The following MAPK10 variants were observed in gnomAD, a reference collection of about 807,000 sequenced individuals.
MAPK10 encodes the protein mitogen-activated protein kinase 10.
In MAPK10, 25 loss-of-function variants were observed where a neutral mutation model predicts 59.3. The observed-to-expected ratio is 0.42, with a 90% CI of 0.31 to 0.59. The LOEUF is 0.59. MAPK10 is among the 20% of genes least tolerant of loss of function. MAPK10 has a pLI of 0.15. For missense variants in MAPK10, 351 were observed against 568.9 expected (o/e 0.62, Z 3.90); for synonymous variants, 190 against 200.5 (o/e 0.95, Z 0.44).
intron 1 of MAPK10, among the ~76,000 whole-genome samples, chr4:86,431,135 AG>A (rs1324896930): frequency 6.6e-6 from 1 of 152,158 alleles, no homozygotes; most frequent in African/African-American, 2.4e-5. Context: ...AAGAAAAGGA[AG>A]ATAACCTTTT....
intron 1 of MAPK10, among the ~76,000 whole-genome samples, chr4:86,507,734 A>C (rs2149082276): frequency 6.9e-6 from 1 of 144,718 alleles, no homozygotes; most frequent in African/African-American, 2.6e-5. Flanking sequence ...ATACAGTGGT[A>C]TAGAATTATA....
intron 1 of MAPK10, among the ~76,000 whole-genome samples, chr4:86,501,114 G>T: frequency 1.1e-5 from 1 of 87,872 alleles, no homozygotes; most frequent in African/African-American, 4.8e-5. Flanking sequence ...TCTACGATCT[G>T]AAAAAAAAAA....
chr4:86,061,226 C>A (rs1197457549), intron 11 of MAPK10, among the ~76,000 whole-genome samples: 1 of 152,102 alleles, frequency 6.6e-6, no homozygotes, highest in Non-Finnish European at 1.5e-5. Flanking sequence ...TATGAAGATG[C>A]AAATAAGTCA....
chr4:86,183,162 A>C (rs2077301490), intron 3 of MAPK10, among the ~76,000 whole-genome samples: 1 of 151,846 alleles, frequency 6.6e-6, no homozygotes, highest in African/African-American at 2.4e-5. Context: ...ATTATACTTT[A>C]AGTTTTAGGG....
At chr4:86,070,701 T>C (rs1298444969) in intron 9 of MAPK10, among the ~76,000 whole-genome samples, 1 of 151,282 alleles carries the variant, frequency 6.6e-6, no homozygotes, top group Non-Finnish European at 1.5e-5. Flanking sequence ...TTCATCCATG[T>C]CCCTACAAAG....
chr4:86,191,315 TC>T (rs929843959), intron 3 of MAPK10, among the ~76,000 whole-genome samples: 5 of 152,126 alleles, frequency 3.3e-5, no homozygotes, highest in African/African-American at 1.2e-4. Context: ...ATTTTCTGCC[TC>T]GTTGATCTGT....
chr4:86,493,822 T>C (rs915414691), intron 1 of MAPK10, among the ~76,000 whole-genome samples: 10 of 152,200 alleles, frequency 6.6e-5, no homozygotes, highest in Non-Finnish European at 1.5e-4. Context: ...TGTATATGTG[T>C]TTGTGGTCCC....
intron 1 of MAPK10, among the ~76,000 whole-genome samples, chr4:86,460,018 A>G (rs1751591421): frequency 6.6e-6 from 1 of 152,190 alleles, no homozygotes; most frequent in African/African-American, 2.4e-5. Flanking sequence ...GGGAAAGTTT[A>G]TGTTCCATAA....
chr4:86,376,578 C>T (rs533962950), intron 1 of MAPK10, among the ~76,000 whole-genome samples: 125 of 152,298 alleles, frequency 8.2e-4, no homozygotes, highest in Admixed American at 3.1e-3. Flanking sequence ...AATTATGTCT[C>T]AGGCATAACA....
chr4:86,148,496 G>A (rs531234183), intron 4 of MAPK10, among the ~76,000 whole-genome samples: 1 of 152,246 alleles, frequency 6.6e-6, no homozygotes, highest in Admixed American at 6.5e-5. Flanking sequence ...GAAGAGATAA[G>A]GAGGGGGAAA....
intron 1 of MAPK10, among the ~76,000 whole-genome samples, chr4:86,593,425 A>G (rs1763246525): frequency 6.6e-6 from 1 of 152,226 alleles, no homozygotes; most frequent in Non-Finnish European, 1.5e-5. Flanking sequence ...TCATGAATTC[A>G]GCAAGACTCT....
chr4:86,226,014 T>G (rs975165289), intron 2 of MAPK10, among the ~76,000 whole-genome samples: 3 of 152,250 alleles, frequency 2.0e-5, no homozygotes, highest in Admixed American at 2.0e-4. Flanking sequence ...TGAAACAATA[T>G]ATTCAGAAAA....
intron 13 of MAPK10, among the ~76,000 whole-genome samples, chr4:86,018,111 C>T (rs1744312707): frequency 6.6e-6 from 1 of 152,142 alleles, no homozygotes; most frequent in South Asian, 2.1e-4. Context: ...TAAGCAAAAC[C>T]CCTTAATGGA....
chr4:86,364,503 C>T (rs965732804), upstream of MAPK10, among the ~76,000 whole-genome samples: 1 of 152,166 alleles, frequency 6.6e-6, no homozygotes, highest in African/African-American at 2.4e-5. Flanking sequence ...TAGATTCCAA[C>T]CTTCCACATA....
intron 1 of MAPK10, among the ~76,000 whole-genome samples, chr4:86,543,739 G>C (rs1447320940): frequency 1.3e-5 from 2 of 152,144 alleles, no homozygotes; most frequent in African/African-American, 4.8e-5. Context: ...AAGGGAATTA[G>C]ATTGTGTGGG....
At chr4:86,506,160 G>T (rs192041976) in intron 1 of MAPK10, among the ~76,000 whole-genome samples, 523 of 152,174 alleles carry the variant, frequency 3.4e-3, no homozygotes, top group Non-Finnish European at 4.5e-3. Context: ...CAAAAGAAAG[G>T]CAGTCGGTCA....
intron 1 of MAPK10, among the ~76,000 whole-genome samples, chr4:86,396,074 G>A (rs987801521): frequency 6.6e-6 from 1 of 152,192 alleles, no homozygotes; most frequent in Non-Finnish European, 1.5e-5. Context: ...GGCCGGGCGA[G>A]GTGGCTCACG....
At chr4:86,030,765 T>C (rs2038854029) in intron 12 of MAPK10, among the ~76,000 whole-genome samples, 1 of 152,234 alleles carries the variant, frequency 6.6e-6, no homozygotes, top group Non-Finnish European at 1.5e-5. Flanking sequence ...GTAGCTCAAA[T>C]GTTCCTTCCC....
chr4:86,412,282 T>C (rs1179028295), intron 1 of MAPK10, among the ~76,000 whole-genome samples: 1 of 152,250 alleles, frequency 6.6e-6, no homozygotes, highest in Non-Finnish European at 1.5e-5. Context: ...GTTAGTCTGA[T>C]GGACTTCCCT....
Sources: allele counts gnomAD v4.1 joint callset (sites outside exome capture counted in the v4.1 genomes callset), GRCh38; gene constraint gnomAD v4.1.1; transcripts MANE v1.5; gene names NCBI Gene and HGNC (gene_info 2026-07-23, HGNC 2026-07-21).